PCDH7: variants seen among roughly 807,000 people sequenced by gnomAD.
PCDH7 encodes the protein protocadherin-7.
PCDH7 carries 17 observed loss-of-function variants against 58.9 expected under a neutral mutation model. That is an observed-to-expected ratio of 0.29 (90% CI 0.20 to 0.43). PCDH7 has a LOEUF of 0.43. PCDH7 is among the 20% of genes least tolerant of loss of function. The pLI is 1.00. For missense variants in PCDH7, 1,274 were observed against 1,441.0 expected (o/e 0.88, Z 1.88); for synonymous variants, 664 against 616.4 (o/e 1.08, Z -1.14).
intron 1 of PCDH7, among the ~76,000 whole-genome samples, chr4:30,795,941 C>T (rs1311181423): frequency 6.6e-6 from 1 of 152,096 alleles, no homozygotes; most frequent in Admixed American, 6.5e-5. Flanking sequence ...AAAACAAACA[C>T]CGAAAAAATA....
chr4:30,990,110 A>G (rs1751341166), intron 3 of PCDH7, among the ~76,000 whole-genome samples: 1 of 152,054 alleles, frequency 6.6e-6, no homozygotes, highest in African/African-American at 2.4e-5. Flanking sequence ...CTTTATGATT[A>G]TAGTATAATT....
chr4:30,810,412 T>A (rs757237399), intron 1 of PCDH7, among the ~76,000 whole-genome samples: 1 of 137,134 alleles, frequency 7.3e-6, no homozygotes, highest in Non-Finnish European at 1.5e-5. Context: ...GCACTTAATA[T>A]AATACATTTC....
In PCDH7 at chr4:30,842,472, T is replaced by C. The variant is rs186679615; in HGVS notation, c.71-77681T>C. ...TTAGTATCTGTCTTCTACACCACATTTTAAGTGCTTATAGTGGAAAGGACC... is the reference window on the plus strand; with the variant it reads ...TTAGTATCTGTCTTCTACACCACATCTTAAGTGCTTATAGTGGAAAGGACC... On this transcript the variant is annotated intron_variant, in intron 1 of 3. Coordinates refer to the PCDH7 transcript ENST00000509759. Among the ~76,000 whole-genome samples the C allele has an allele frequency of 8.5e-5, 13 of 152,262 alleles. No homozygotes were observed. The East Asian group carries it at 2.5e-3, about 30-fold the overall frequency.
intron 3 of PCDH7, among the ~76,000 whole-genome samples, chr4:31,052,227 C>G (rs1270942566): frequency 1.3e-5 from 2 of 152,064 alleles, no homozygotes; most frequent in Non-Finnish European, 2.9e-5. Context: ...ACAAAAGTGT[C>G]TTCTATACAC....
chr4:30,942,099 A>G (rs1374227606), intron 2 of PCDH7, among the ~76,000 whole-genome samples: 1 of 151,944 alleles, frequency 6.6e-6, no homozygotes, highest in Non-Finnish European at 1.5e-5. Context: ...GTTTACCATA[A>G]TATATCCAGC....
At chr4:31,132,997 A>G (rs1461877340) in intron 3 of PCDH7, among the ~76,000 whole-genome samples, 1 of 152,212 alleles carries the variant, frequency 6.6e-6, no homozygotes, top group Non-Finnish European at 1.5e-5. Context: ...TAAAATATTG[A>G]CATAATCATA....
At chr4:31,121,639 A>G (rs937296078) in intron 3 of PCDH7, among the ~76,000 whole-genome samples, 4 of 152,160 alleles carry the variant, frequency 2.6e-5, no homozygotes, top group Non-Finnish European at 5.9e-5. Flanking sequence ...TTCTGTATGT[A>G]TAGATAAGCA....
At chr4:31,030,280 T>A (rs549695738) in intron 3 of PCDH7, among the ~76,000 whole-genome samples, 12 of 152,302 alleles carry the variant, frequency 7.9e-5, no homozygotes, top group Admixed American at 7.8e-4. Flanking sequence ...ATCCTCAAAT[T>A]GCTTTGTCTT....
chr4:30,749,554 G>A lies in PCDH7; in HGVS notation c.70+24958G>A, dbSNP rs1307031490. ...TGGTGGTCTTTTTTCTGTAGAAGAG[G>A]TTCAGAATACATAATCTTTGAAAAG... On this transcript the variant is annotated intron_variant, in intron 1 of 3. Transcript: ENST00000509759. Among the ~76,000 whole-genome samples, 7 of 152,106 alleles carry A rather than the reference G, an allele frequency of 4.6e-5. No homozygotes were observed. In the East Asian group the frequency reaches 1.4e-3, roughly 29 times the overall value.
chr4:30,777,580 A>G (rs1249982975), intron 1 of PCDH7, among the ~76,000 whole-genome samples: 1 of 152,164 alleles, frequency 6.6e-6, no homozygotes, highest in African/African-American at 2.4e-5. Context: ...GGTTGATTTC[A>G]AGTTCAGAGG....
intron 1 of PCDH7, among the ~76,000 whole-genome samples, chr4:30,864,943 G>A (rs1292724611): frequency 6.6e-6 from 1 of 152,044 alleles, no homozygotes; most frequent in East Asian, 1.9e-4. Context: ...TTTTATATAA[G>A]TTACAACATA....
chr4:31,093,617 A>G (rs1397176106), intron 3 of PCDH7, among the ~76,000 whole-genome samples: 1 of 151,730 alleles, frequency 6.6e-6, no homozygotes, highest in African/African-American at 2.4e-5. Flanking sequence ...CATTACTTGA[A>G]AAAGACATTT....
intron 3 of PCDH7, among the ~76,000 whole-genome samples, chr4:31,058,499 C>G (rs1757431916): frequency 6.6e-6 from 1 of 151,964 alleles, no homozygotes; most frequent in Admixed American, 6.6e-5. Context: ...TTTAGTTAGG[C>G]AGAGTGCATT....
At chr4:31,047,865 A>G (rs1756409869) in intron 3 of PCDH7, among the ~76,000 whole-genome samples, 1 of 152,082 alleles carries the variant, frequency 6.6e-6, no homozygotes, top group Admixed American at 6.6e-5. Context: ...AAAAGTGATA[A>G]GTTCCCACTT....
At chr4:31,142,993 G>T, downstream of PCDH7, 1 of 458,996 alleles carries the variant, frequency 2.2e-6, no homozygotes, top group Non-Finnish European at 3.7e-6. Context: ...CTCCAGATCA[G>T]GCCTTTAGTG....
At chr4:31,111,482 G>A (rs947176389) in intron 3 of PCDH7, among the ~76,000 whole-genome samples, 1 of 151,864 alleles carries the variant, frequency 6.6e-6, no homozygotes, top group African/African-American at 2.4e-5. Context: ...ATGATTTTTT[G>A]TATTTTTAGT....
intron 3 of PCDH7, among the ~76,000 whole-genome samples, chr4:31,089,550 T>C (rs1173663042): frequency 6.6e-6 from 1 of 152,064 alleles, no homozygotes; most frequent in Non-Finnish European, 1.5e-5. Context: ...ATGCTGTTTA[T>C]ATAGATATAA....
At chr4:30,763,683 C>A (rs1720334261) in intron 1 of PCDH7, among the ~76,000 whole-genome samples, 1 of 152,096 alleles carries the variant, frequency 6.6e-6, no homozygotes, top group Non-Finnish European at 1.5e-5. Flanking sequence ...TTCTCAAATC[C>A]CTTTTCATTA....
intron 1 of PCDH7, among the ~76,000 whole-genome samples, chr4:30,805,767 C>A (rs1231961109): frequency 6.6e-6 from 1 of 152,162 alleles, no homozygotes; most frequent in Admixed American, 6.5e-5. Context: ...TATACCAAAT[C>A]TGACCACTGT....
Sources: allele counts gnomAD v4.1 joint callset (sites outside exome capture counted in the v4.1 genomes callset), GRCh38; gene constraint gnomAD v4.1.1; transcripts MANE v1.5; gene names NCBI Gene and HGNC (gene_info 2026-07-23, HGNC 2026-07-21).